The following AVEN variants were observed in gnomAD, a reference collection of about 807,000 sequenced individuals.
AVEN encodes cell death regulator Aven.
In AVEN, 41 loss-of-function variants were observed where a neutral mutation model predicts 38.1. The ratio of observed to expected loss-of-function variants is 1.08; its 90% CI spans 0.84 to 1.40. AVEN has a LOEUF of 1.40. AVEN is among the 40% of genes most tolerant of loss of function. The probability of loss-of-function intolerance (pLI) is 0.00; values close to 1 mark genes in which losing one functional copy is unlikely to be tolerated. For missense variants in AVEN, 605 were observed against 438.8 expected, an observed-to-expected ratio of 1.38 and a Z score of -3.38; for synonymous variants, 206 against 171.8, an observed-to-expected ratio of 1.20 and a Z score of -1.56.
chr15:33,939,953 GTTAAGTA>G (rs1375953789), intron 2 of AVEN, among the ~76,000 whole-genome samples: 2 of 152,180 alleles, frequency 1.3e-5, no homozygotes, highest in Non-Finnish European at 2.9e-5. Context: ...GTTCAGTAGT[GTTAAGTA>G]TATTTACATT....
chr15:33,937,914 T>C (rs1433829174), intron 2 of AVEN, among the ~76,000 whole-genome samples: 1 of 77,894 alleles, frequency 1.3e-5, no homozygotes, highest in Non-Finnish European at 2.6e-5. Flanking sequence ...CCTGAACTAA[T>C]ACAAATCCCT....
At chr15:34,021,183 C>G (rs1398238797) in intron 1 of AVEN, among the ~76,000 whole-genome samples, 5 of 152,056 alleles carry the variant, frequency 3.3e-5, no homozygotes, top group African/African-American at 1.2e-4. Context: ...AAAATTGCAT[C>G]TTTTTCTTTT....
At chr15:33,964,134 C>T (rs1328243490) in intron 2 of AVEN, among the ~76,000 whole-genome samples, 2 of 150,540 alleles carry the variant, frequency 1.3e-5, no homozygotes, top group Non-Finnish European at 3.0e-5. Flanking sequence ...ACCGCCAGGA[C>T]ATAGCATAGT....
At chr15:33,969,614 GA>G (rs1399065407) in intron 2 of AVEN, among the ~76,000 whole-genome samples, 1 of 151,394 alleles carries the variant, frequency 6.6e-6, no homozygotes, top group African/African-American at 2.4e-5. Flanking sequence ...TTGTTACTAA[GA>G]AAAAAAAGCT....
downstream of AVEN, chr15:33,857,956 G>A: frequency 6.4e-7 from 1 of 1,566,732 alleles, no homozygotes; most frequent in African/African-American, 1.5e-5. Flanking sequence ...CCCACTGCGG[G>A]GCCACCCCGC....
intron 2 of AVEN, among the ~76,000 whole-genome samples, chr15:33,938,410 G>A (rs1894180784): frequency 2.0e-5 from 3 of 151,948 alleles, no homozygotes; most frequent in South Asian, 2.1e-4. Context: ...AGCCGAGATC[G>A]CGCCACTGCA....
chr15:33,873,380 G>T (rs1022509460), intron 3 of AVEN, among the ~76,000 whole-genome samples: 1 of 150,244 alleles, frequency 6.7e-6, no homozygotes, highest in African/African-American at 2.4e-5. Context: ...GATTATAGGC[G>T]TGAGCCACTG....
intron 4 of AVEN, among the ~76,000 whole-genome samples, chr15:33,869,130 A>G (rs560132158): frequency 4.1e-4 from 62 of 152,298 alleles, no homozygotes; most frequent in African/African-American, 1.3e-3. Flanking sequence ...AGAGTCAGTC[A>G]GTTGTACAGG....
intron 2 of AVEN, among the ~76,000 whole-genome samples, chr15:33,949,300 G>A (rs1033780329): frequency 4.6e-5 from 7 of 152,174 alleles, no homozygotes; most frequent in East Asian, 1.9e-4. Context: ...GATTACAGGC[G>A]TGAGCCACCG....
rs550917221 is a variant in AVEN at position 33,940,093 on chromosome 15, T to C, written c.445+62939A>G. 3.3e-5 allele frequency among the ~76,000 whole-genome samples: 5 copies of C among 152,354 alleles called. No individual in the cohort carries two copies. In the South Asian group the frequency reaches 1.0e-3, roughly 32 times the overall value. ...GGAGGAATCTGCCGGTGCCTTCATC[T>C]TGAACCTCCCAGCCTGCAGAATTAT... On this transcript the variant is annotated intron_variant, in intron 2 of 5. Coordinates refer to ENST00000306730, the MANE Select transcript of AVEN (RefSeq NM_020371.3).
intron 3 of AVEN, among the ~76,000 whole-genome samples, chr15:33,874,415 G>A (rs1187004207): frequency 2.0e-5 from 3 of 152,116 alleles, no homozygotes; most frequent in Admixed American, 1.3e-4. Flanking sequence ...GCATAACCTC[G>A]TTTTCCTGAT....
intron 2 of AVEN, 78 bp from the exon 3 acceptor site, chr15:33,876,073 A>C: frequency 7.3e-7 from 1 of 1,373,090 alleles, no homozygotes; most frequent in Non-Finnish European, 1.0e-6. Flanking sequence ...CTGCTAGAGC[A>C]AAAGTGCCAT....
At chr15:33,992,640 C>T (rs16958535) in intron 2 of AVEN, among the ~76,000 whole-genome samples, 13,757 of 143,170 alleles carry the variant, frequency 0.096, 727 homozygotes, top group South Asian at 0.23. Flanking sequence ...ACTATATTGG[C>T]ACAAACTATA....
intron 4 of AVEN, among the ~76,000 whole-genome samples, chr15:33,868,544 CAAAAAAAAAA>C (rs35851228): frequency 5.4e-4 from 36 of 66,252 alleles, no homozygotes; most frequent in African/African-American, 1.4e-3. Context: ...GACTCCGTCT[CAAAAAAAAAA>C]AAAAAAAAAA....
At chr15:34,032,910 T>C (rs1200896728) in intron 1 of AVEN, among the ~76,000 whole-genome samples, 1 of 152,208 alleles carries the variant, frequency 6.6e-6, no homozygotes, top group Non-Finnish European at 1.5e-5. Flanking sequence ...ATCAAAGTGA[T>C]GGAGAACCTA....
chr15:33,857,683 C>T, downstream of AVEN: 1 of 1,490,376 alleles, frequency 6.7e-7, no homozygotes, highest in Non-Finnish European at 9.2e-7. Context: ...CCTTGCCCGT[C>T]CTCACTCTTC....
At chr15:33,924,569 G>A (rs1036266989) in intron 2 of AVEN, among the ~76,000 whole-genome samples, 1 of 152,040 alleles carries the variant, frequency 6.6e-6, no homozygotes, top group African/African-American at 2.4e-5. Context: ...CCATCCACCT[G>A]CCACAGCCTC....
chr15:34,016,260 G>A (rs941973355), intron 1 of AVEN, among the ~76,000 whole-genome samples: 25 of 152,038 alleles, frequency 1.6e-4, no homozygotes, highest in African/African-American at 5.8e-4. Context: ...AAACAAAACC[G>A]GAAAGCAACT....
In AVEN at chr15:33,867,365, T is replaced by A; in HGVS notation, c.973+130A>T. 3 of 1,291,390 alleles carry A rather than the reference T, an allele frequency of 2.3e-6. No individual in the cohort carries two copies. In the East Asian group the frequency reaches 7.2e-5, roughly 31 times the overall value. The allele number at this position is 1,291,390 out of a possible 1,614,324, so 80.0% of individuals were successfully genotyped here. ...GGAAGCAGAGACGTGAGCACAGAAA[T>A]AGATGTCAGTGGACAACACTGGATC... On this transcript the variant is annotated intron_variant, in intron 5 of 5. Transcript: ENST00000306730.
Sources: allele counts gnomAD v4.1 joint callset (sites outside exome capture counted in the v4.1 genomes callset), GRCh38; gene constraint gnomAD v4.1.1; transcripts MANE v1.5; gene names NCBI Gene and HGNC (gene_info 2026-07-23, HGNC 2026-07-21).